The following SAMD4A variants were observed in gnomAD, a reference collection of about 807,000 sequenced individuals.
SAMD4A encodes protein Smaug homolog 1.
Under a neutral mutation model 81.3 loss-of-function variants are expected in SAMD4A, and 33 were observed. The ratio of observed to expected loss-of-function variants is 0.41; its 90% CI spans 0.31 to 0.54. The LOEUF (loss-of-function observed/expected upper bound fraction) is 0.54, where lower values mean the gene tolerates loss of function less well. Ranked by LOEUF, SAMD4A falls within the 20% of genes least tolerant of loss-of-function variation. SAMD4A has a pLI of 0.37. For synonymous variants in SAMD4A, 389 were observed against 382.1 expected (o/e 1.02, Z -0.21); for missense variants, 854 against 951.1 (o/e 0.90, Z 1.34).
At chr14:54,579,276 G>A (rs558538735) in intron 2 of SAMD4A, among the ~76,000 whole-genome samples, 18 of 152,354 alleles carry the variant, frequency 1.2e-4, no homozygotes, top group African/African-American at 4.3e-4. Context: ...CAAGCACACT[G>A]TAAGTGCTTA....
intron 2 of SAMD4A, among the ~76,000 whole-genome samples, chr14:54,682,872 A>G (rs1485914694): frequency 6.6e-6 from 1 of 152,230 alleles, no homozygotes; most frequent in Non-Finnish European, 1.5e-5. Context: ...AAGGAAATGA[A>G]TGAACAAGGA....
At chr14:54,774,140 G>A (rs1238576991) in intron 9 of SAMD4A, among the ~76,000 whole-genome samples, 2 of 152,238 alleles carry the variant, frequency 1.3e-5, no homozygotes, top group Admixed American at 6.5e-5. Context: ...GAGGCGCAAG[G>A]CGGCAGGCAG....
At chr14:54,658,547 T>C (rs1278088179) in intron 2 of SAMD4A, among the ~76,000 whole-genome samples, 1 of 152,144 alleles carries the variant, frequency 6.6e-6, no homozygotes, top group African/African-American at 2.4e-5. Context: ...GACCCGTATG[T>C]CCAAAAGCTT....
At chr14:54,653,244 G>C (rs1437485681) in intron 2 of SAMD4A, among the ~76,000 whole-genome samples, 2 of 151,382 alleles carry the variant, frequency 1.3e-5, no homozygotes, top group Non-Finnish European at 2.9e-5. Context: ...CTCATGTCTA[G>C]GCAGGGCCTT....
In SAMD4A at chr14:54,775,080, G is replaced by A; in HGVS notation, c.1862G>A (p.Ser621Asn). Residue 621 changes from serine to asparagine, a missense_variant, in exon 10 of 13, where the codon AGC becomes AAC. Transcript: ENST00000554335. Reference protein sequence around the residue: ...LGLLGTSGFVSSNQRNTTATP... With the variant: ...LGLLGTSGFVNSNQRNTTATP... ...CTCTTGGGCACCAGTGGATTCGTCA[G>A]CTCCAACCAGCGCAACACCACAGCT... The A allele has an allele frequency of 3.1e-6, 5 of 1,614,158 alleles. No homozygotes were observed. Among genetic ancestry groups the A allele is most frequent in the Non-Finnish European group, 3.4e-6 (4 of 1,180,036 alleles).
Position 54,702,449 on chromosome 14 carries a change from A to G in SAMD4A, c.584A>G (p.Asp195Gly). The G allele has an allele frequency of 4.3e-6, 7 of 1,614,172 alleles. No individual in the cohort carries two copies. Among genetic ancestry groups the G allele is most frequent in the Non-Finnish European group, 5.9e-6 (7 of 1,179,992 alleles). The change falls in exon 3 of 13, where the codon GAT becomes GGT. Residue 195 changes from aspartate to glycine, a missense_variant. This residue lies in a region of SAMD4A where 387 missense variants were observed against 405.8 expected (regional missense o/e 0.95). Coordinates refer to ENST00000554335, the MANE Select transcript of SAMD4A (RefSeq NM_015589.6). ...DKLNGWQNSR[D>G]SGICINASNW... ...CTCAATGGGTGGCAGAACTCTCGGG[A>G]TTCTGGGATTTGCATCAATGCCTCC...
chr14:54,636,388 C>A (rs2035036199), intron 2 of SAMD4A, among the ~76,000 whole-genome samples: 1 of 152,030 alleles, frequency 6.6e-6, no homozygotes, highest in Non-Finnish European at 1.5e-5. Context: ...CATGCAGGGC[C>A]TTGTAGGCTA....
rs549654978 is a variant in SAMD4A, at chr14:54,784,533, G to A, written c.2045-4G>A. The A allele has an allele frequency of 3.0e-5, 48 of 1,614,154 alleles. No individual in the cohort carries two copies. Among genetic ancestry groups the A allele is most frequent in the South Asian group, 6.6e-5 (6 of 91,080 alleles). ...TCACCAACATAACCCTTTATCGCCT[G>A]CAGAATTCCAGCTTCCCGTGACCGA... On this transcript the variant is annotated splice_region_variant and splice_polypyrimidine_tract_variant and intron_variant, in intron 11 of 12. Transcript: ENST00000554335.
At chr14:54,758,950 G>T (rs754821875) in intron 6 of SAMD4A, among the ~76,000 whole-genome samples, 3 of 152,094 alleles carry the variant, frequency 2.0e-5, no homozygotes, top group Admixed American at 6.5e-5. Context: ...GTTGCAGAGG[G>T]CCCACCCCAG....
At chr14:54,632,362 C>T (rs2034923879) in intron 2 of SAMD4A, among the ~76,000 whole-genome samples, 1 of 152,072 alleles carries the variant, frequency 6.6e-6, no homozygotes, top group Non-Finnish European at 1.5e-5. Context: ...TGACAAAAAC[C>T]AAAAGGCACA....
chr14:54,777,381 G>A (rs944228190), intron 11 of SAMD4A, among the ~76,000 whole-genome samples: 1 of 152,218 alleles, frequency 6.6e-6, no homozygotes, highest in African/African-American at 2.4e-5. Context: ...CTGAGCTTCA[G>A]GGCACAGCAG....
chr14:54,767,625 G>A (rs1390257961), intron 8 of SAMD4A, among the ~76,000 whole-genome samples: 2 of 152,234 alleles, frequency 1.3e-5, no homozygotes, highest in African/African-American at 4.8e-5. Context: ...CCAGAACTCT[G>A]GAGTGGTGAC....
chr14:54,742,444 T>C (rs1261368646), intron 4 of SAMD4A, among the ~76,000 whole-genome samples: 1 of 152,200 alleles, frequency 6.6e-6, no homozygotes, highest in Non-Finnish European at 1.5e-5. Flanking sequence ...TGCTCTTGGC[T>C]GACCCAGCCT....
At chr14:54,565,663 A>G (rs2032906969), upstream of SAMD4A, among the ~76,000 whole-genome samples, 3 of 152,044 alleles carry the variant, frequency 2.0e-5, no homozygotes, top group Admixed American at 2.0e-4. The surrounding 1 kb of genome is among the most constrained non-coding windows in gnomAD (Gnocchi z 5.4). Flanking sequence ...GCCGAGGGTC[A>G]GCCGAGCGGA....
rs112199114 is a variant in SAMD4A at position 54,724,617 on chromosome 14, G to A, written c.716-12407G>A. On this transcript the variant is annotated intron_variant, in intron 3 of 12. Coordinates refer to ENST00000554335, the MANE Select transcript of SAMD4A (RefSeq NM_015589.6). Reference sequence around the variant, plus strand: ...TCTTTGGGTTGCATTTGGGAAAACAGCAGTACAATATCCCCAGCTCAGGGC... The same window carrying A: ...TCTTTGGGTTGCATTTGGGAAAACAACAGTACAATATCCCCAGCTCAGGGC... Among the ~76,000 whole-genome samples the A allele has an allele frequency of 6.1e-4, 93 of 152,178 alleles. 1 individual carries two copies. Among genetic ancestry groups the A allele is most frequent in the African/African-American group, 2.2e-3 (90 of 41,444 alleles).
At chr14:54,730,182 A>G (rs1321161544) in intron 3 of SAMD4A, among the ~76,000 whole-genome samples, 1 of 152,250 alleles carries the variant, frequency 6.6e-6, no homozygotes, top group Non-Finnish European at 1.5e-5. Flanking sequence ...AAGAGCTGAC[A>G]CCAGTGACAA....
chr14:54,698,498 AAAG>A (rs1175004127), intron 2 of SAMD4A, among the ~76,000 whole-genome samples: 2 of 152,170 alleles, frequency 1.3e-5, no homozygotes, highest in African/African-American at 4.8e-5. Flanking sequence ...TTCATCTGTA[AAAG>A]AAGGCTAGTA....
intron 2 of SAMD4A, among the ~76,000 whole-genome samples, chr14:54,609,236 A>G (rs1446876228): frequency 6.6e-6 from 1 of 152,164 alleles, no homozygotes; most frequent in Non-Finnish European, 1.5e-5. Context: ...AATGAGAGAG[A>G]CGTGATGTGA....
At chr14:54,651,703 T>C (rs1348167733) in intron 2 of SAMD4A, among the ~76,000 whole-genome samples, 1 of 152,230 alleles carries the variant, frequency 6.6e-6, no homozygotes, top group African/African-American at 2.4e-5. Context: ...TAAATGTCGA[T>C]GCAATTTCCT....
Sources: gnomAD v4.1 joint callset for allele counts (sites outside exome capture counted in the v4.1 genomes callset) on GRCh38, gnomAD v4.1.1 for gene constraint, gnomAD v4.1.1 regional missense constraint, Gnocchi (gnomAD v3.1) non-coding constraint, MANE v1.5 for transcripts, NCBI Gene and HGNC (gene_info 2026-07-23, HGNC 2026-07-21) for gene names.